Variants in KIF26B observed in about 807,000 individuals in gnomAD.
KIF26B encodes kinesin-like protein KIF26B.
Under a neutral mutation model 151.2 loss-of-function variants are expected in KIF26B, and 63 were observed. The ratio of observed to expected loss-of-function variants is 0.42; its 90% confidence interval spans 0.34 to 0.51. The LOEUF is 0.51. Ranked by LOEUF, KIF26B falls within the 20% of genes least tolerant of loss-of-function variation. The probability of loss-of-function intolerance (pLI) is 0.07; values close to 1 mark genes in which losing one functional copy is unlikely to be tolerated. For missense variants in KIF26B, 2,813 were observed against 2,913.6 expected, an observed-to-expected ratio of 0.97 and a Z score of 0.79; for synonymous variants, 1,357 against 1,262.1, an observed-to-expected ratio of 1.08 and a Z score of -1.59.
chr1:245,689,948 T>C (rs190535462), intron 12 of KIF26B, among the ~76,000 whole-genome samples: 34 of 152,188 alleles, frequency 2.2e-4, no homozygotes, highest in Middle Eastern at 3.4e-3. Flanking sequence ...AATTGGAGTC[T>C]TGGGTGGCAC....
chr1:245,323,811 C>T (rs1445575572), intron 2 of KIF26B, among the ~76,000 whole-genome samples: 3 of 152,150 alleles, frequency 2.0e-5, no homozygotes, highest in Non-Finnish European at 4.4e-5. Flanking sequence ...TCCAGCTGTA[C>T]GGGAATAAAC....
chr1:245,466,882 C>T (rs1229595301), intron 4 of KIF26B, among the ~76,000 whole-genome samples: 1 of 152,096 alleles, frequency 6.6e-6, no homozygotes, highest in African/African-American at 2.4e-5. Context: ...GCTGAGATGG[C>T]GCCACCGCAC....
In KIF26B at chr1:245,352,675, A is replaced by G. The variant is rs56044742; in HGVS notation, c.466-14159A>G. ...TTACGAACATTTTTTTAACTTTTTC[A>G]GAATCGATTCAAGGAAAAGTGATAG... On this transcript the variant is annotated intron_variant, in intron 2 of 14. Transcript: ENST00000407071. This position sits in a 1 kb window ranked among gnomAD's most constrained non-coding sequence, Gnocchi z 5.0. Among the ~76,000 whole-genome samples, 8,059 of 152,172 alleles carry G rather than the reference A, an allele frequency of 0.053. 312 individuals are homozygous for G. The highest frequency in any genetic ancestry group is 0.11 in the African/African-American group (4,491 of 41,506).
At chr1:245,322,207 C>T (rs1209530098) in intron 2 of KIF26B, among the ~76,000 whole-genome samples, 2 of 151,914 alleles carry the variant, frequency 1.3e-5, no homozygotes, top group Non-Finnish European at 2.9e-5. Context: ...GAACATCACA[C>T]ACCGGGGCCT....
rs563555787 is a variant in KIF26B, at chr1:245,482,466, A to G, written c.1167-58301A>G. 3.3e-5 allele frequency among the ~76,000 whole-genome samples: 5 copies of G among 151,972 alleles called. No homozygotes were observed. In the South Asian group the frequency reaches 1.0e-3, roughly 32 times the overall value. On this transcript the variant is annotated intron_variant, in intron 4 of 14. Coordinates refer to ENST00000407071, the MANE Select transcript of KIF26B (RefSeq NM_018012.4). Reference sequence around the variant, plus strand: ...ATTAGAACTAGACGAGTATTCAGAAATGCATGTTGTTTTATATGATAACAC... The same window carrying G: ...ATTAGAACTAGACGAGTATTCAGAAGTGCATGTTGTTTTATATGATAACAC...
chr1:245,243,805 C>T (rs1235062436), intron 2 of KIF26B, among the ~76,000 whole-genome samples: 1 of 151,952 alleles, frequency 6.6e-6, no homozygotes, highest in African/African-American at 2.4e-5. Context: ...GGGCCGAGAT[C>T]ATGCCACTGC....
At position 245,480,804 on chromosome 1, in the gene KIF26B, A is replaced by AGT. The variant is rs777363147; in HGVS notation, c.1167-59962_1167-59961insTG. Among the ~76,000 whole-genome samples the AGT allele has an allele frequency of 6.7e-3, 1,017 of 151,292 alleles. 11 individuals are homozygous for AGT. The highest frequency in any genetic ancestry group is 0.014 in the African/African-American group (561 of 41,388). On this transcript the variant is annotated intron_variant, in intron 4 of 14. Coordinates refer to ENST00000407071, the MANE Select transcript of KIF26B (RefSeq NM_018012.4). ...TTAAAAAAAAAAAAAAAAGAGAGAG[A>AGT]GAAATGTTTAAAGTTTGGATAGAAA...
chr1:245,673,319 GCGC>G (rs1348987141), intron 10 of KIF26B, among the ~76,000 whole-genome samples: 1 of 134,306 alleles, frequency 7.4e-6, no homozygotes. Flanking sequence ...TCCCCGCTGC[GCGC>G]TGCCATCTTA....
chr1:245,399,225 C>T (rs1673934367), intron 3 of KIF26B, among the ~76,000 whole-genome samples: 1 of 152,104 alleles, frequency 6.6e-6, no homozygotes. Flanking sequence ...TTAGCTTATT[C>T]AAAGTTGTTA....
At chr1:245,232,324 T>A (rs1490000216) in intron 2 of KIF26B, among the ~76,000 whole-genome samples, 7 of 152,350 alleles carry the variant, frequency 4.6e-5, no homozygotes, top group Admixed American at 6.5e-5. Context: ...AAGGGTTTTC[T>A]AAGAAAAGAA....
intron 4 of KIF26B, among the ~76,000 whole-genome samples, chr1:245,456,292 T>C (rs1043588315): frequency 1.3e-5 from 2 of 152,254 alleles, no homozygotes; most frequent in Admixed American, 1.3e-4. Flanking sequence ...TTAAGTGTTT[T>C]GCTGTGATAA....
At chr1:245,184,054 T>G (rs1003135954) in intron 2 of KIF26B, among the ~76,000 whole-genome samples, 4 of 113,242 alleles carry the variant, frequency 3.5e-5, no homozygotes, top group African/African-American at 1.3e-4. Context: ...GTTGTTGTTT[T>G]TTTTTTTTTT....
intron 5 of KIF26B, among the ~76,000 whole-genome samples, chr1:245,543,440 A>G (rs1465356991): frequency 6.6e-6 from 1 of 152,190 alleles, no homozygotes; most frequent in Non-Finnish European, 1.5e-5. Flanking sequence ...TTGCAATCCA[A>G]AATGTAATCA....
chr1:245,547,082 G>A (rs1411299714), intron 5 of KIF26B, among the ~76,000 whole-genome samples: 1 of 152,220 alleles, frequency 6.6e-6, no homozygotes, highest in African/African-American at 2.4e-5. Flanking sequence ...CGCCCCAGGC[G>A]CCCGGAGCTC....
intron 4 of KIF26B, among the ~76,000 whole-genome samples, chr1:245,530,326 A>C (rs1184679932): frequency 1.3e-5 from 2 of 152,234 alleles, no homozygotes; most frequent in Non-Finnish European, 2.9e-5. Context: ...CAATGGTAGT[A>C]CTGGGTATTT....
chr1:245,190,283 A>C (rs1028226525), intron 2 of KIF26B, among the ~76,000 whole-genome samples: 10 of 152,222 alleles, frequency 6.6e-5, no homozygotes, highest in African/African-American at 2.4e-4. Flanking sequence ...CGAGGGCTCC[A>C]CAGCCGGGTG....
chr1:245,273,441 A>C (rs1019363369), intron 2 of KIF26B, among the ~76,000 whole-genome samples: 27 of 136,592 alleles, frequency 2.0e-4, no homozygotes, highest in Middle Eastern at 3.8e-3. Context: ...AAAAAAAAAA[A>C]CCCCAAAAAA....
chr1:245,618,452 T>G (rs1292203500), intron 9 of KIF26B, among the ~76,000 whole-genome samples: 1 of 151,794 alleles, frequency 6.6e-6, no homozygotes, highest in Non-Finnish European at 1.5e-5. Flanking sequence ...ATAGGTTCCT[T>G]GAGACAGAGT....
chr1:245,590,616 TG>T (rs2043277563), intron 5 of KIF26B, among the ~76,000 whole-genome samples: 1 of 152,076 alleles, frequency 6.6e-6, no homozygotes, highest in African/African-American at 2.4e-5. Flanking sequence ...CTATAAAAAC[TG>T]GGCGTCCAGG....
Sources: gnomAD v4.1 joint callset for allele counts (sites outside exome capture counted in the v4.1 genomes callset) on GRCh38, gnomAD v4.1.1 for gene constraint, Gnocchi (gnomAD v3.1) non-coding constraint, MANE v1.5 for transcripts, NCBI Gene and HGNC (gene_info 2026-07-23, HGNC 2026-07-21) for gene names.